Variants in PCDHA13 observed in about 807,000 individuals in gnomAD.
The protein encoded by PCDHA13 is protocadherin alpha-13.
PCDHA13 carries 54 observed loss-of-function variants against 64.8 expected under a neutral mutation model. The observed-to-expected ratio is 0.83, with a 90% CI of 0.67 to 1.04. The LOEUF (loss-of-function observed/expected upper bound fraction) is 1.04, where lower values mean the gene tolerates loss of function less well. Ranked by LOEUF, PCDHA13 falls within the 50% of genes least tolerant of loss-of-function variation. PCDHA13 has a pLI of 0.00. For synonymous variants in PCDHA13, 587 were observed against 564.4 expected (o/e 1.04, Z -0.57); for missense variants, 1,248 against 1,254.3 (o/e 0.99, Z 0.08).
rs782316296 is a variant in PCDHA13 at position 140,927,382 on chromosome 5, AG to A, written c.2394+42721del. Reference sequence around the variant, plus strand: ...CAATGGGATACTAAGCTACAGCCTAAGCCCCAGTCAGCACTTTCGCCTGGAC... The same window carrying A: ...CAATGGGATACTAAGCTACAGCCTAACCCCAGTCAGCACTTTCGCCTGGAC... On this transcript the variant is annotated intron_variant, in intron 1 of 3. Coordinates refer to ENST00000289272, the MANE Select transcript of PCDHA13 (RefSeq NM_018904.3). 6 of 1,614,012 alleles carry A rather than the reference AG, an allele frequency of 3.7e-6. No homozygotes were observed. The African/African-American group carries it at 8.0e-5, about 22-fold the overall frequency.
At chr5:140,926,549 C>A in intron 1 of PCDHA13, 1 of 231,836 alleles carries the variant, frequency 4.3e-6, no homozygotes, top group Non-Finnish European at 8.2e-6. Flanking sequence ...GTGGTCGAGA[C>A]CCCAGCCCGC....
intron 1 of PCDHA13, among the ~76,000 whole-genome samples, chr5:140,904,728 T>G (rs1357605257): frequency 6.6e-6 from 1 of 152,198 alleles, no homozygotes; most frequent in Non-Finnish European, 1.5e-5. Flanking sequence ...CCAACATCTA[T>G]TATTTTTTTA....
intron 1 of PCDHA13, among the ~76,000 whole-genome samples, chr5:140,919,697 A>G (rs1395748776): frequency 1.3e-5 from 2 of 152,188 alleles, no homozygotes; most frequent in Non-Finnish European, 2.9e-5. Flanking sequence ...GATTTATATT[A>G]ACTTAATTCT....
chr5:140,944,182 G>GTTTGT (rs750577669), intron 1 of PCDHA13, among the ~76,000 whole-genome samples: 5 of 152,052 alleles, frequency 3.3e-5, no homozygotes, highest in East Asian at 1.9e-4. Flanking sequence ...TTTTTTGTTG[G>GTTTGT]TTTGTTTTGT....
intron 1 of PCDHA13, among the ~76,000 whole-genome samples, chr5:140,925,094 G>A (rs1489905457): frequency 6.6e-6 from 1 of 151,188 alleles, no homozygotes; most frequent in Non-Finnish European, 1.5e-5. Flanking sequence ...AGGAAGGAAG[G>A]AAGGAAGGAA....
intron 1 of PCDHA13, chr5:140,967,870 G>C (rs782622860): frequency 1.2e-6 from 2 of 1,614,152 alleles, no homozygotes; most frequent in Admixed American, 3.3e-5. Context: ...TGGTGCTCAC[G>C]GACCTGTATA....
At chr5:140,922,144 A>C (rs906517842) in intron 1 of PCDHA13, among the ~76,000 whole-genome samples, 5 of 151,922 alleles carry the variant, frequency 3.3e-5, no homozygotes, top group African/African-American at 1.2e-4. Flanking sequence ...TCCTCCATGA[A>C]ACTCATCAAA....
At chr5:140,947,530 CAATTTCTACAAAG>C (rs2094141786) in intron 1 of PCDHA13, among the ~76,000 whole-genome samples, 1 of 151,588 alleles carries the variant, frequency 6.6e-6, no homozygotes, top group African/African-American at 2.4e-5. Flanking sequence ...ATCAACTTTT[CAATTTCTACAAAG>C]AATTCCGCTG....
chr5:141,004,094 G>A (rs962663466), intron 3 of PCDHA13, among the ~76,000 whole-genome samples: 1 of 152,194 alleles, frequency 6.6e-6, no homozygotes, highest in Non-Finnish European at 1.5e-5. Context: ...TGCTTCTTCC[G>A]TTTTCATCTT....
intron 3 of PCDHA13, among the ~76,000 whole-genome samples, chr5:141,005,772 G>A (rs1554260355): frequency 6.9e-6 from 1 of 144,526 alleles, no homozygotes; most frequent in South Asian, 2.2e-4. Flanking sequence ...CAAACCAGAT[G>A]TGTAAAGATC....
chr5:140,932,824 G>A (rs1484280278), intron 1 of PCDHA13, among the ~76,000 whole-genome samples: 4 of 151,902 alleles, frequency 2.6e-5, no homozygotes, highest in Admixed American at 6.6e-5. Context: ...AAGTGGGAAA[G>A]TATTGACAAT....
intron 1 of PCDHA13, among the ~76,000 whole-genome samples, chr5:140,973,299 T>C (rs1191449890): frequency 1.3e-5 from 2 of 152,198 alleles, no homozygotes; most frequent in African/African-American, 4.8e-5. Flanking sequence ...TTCTATCTGA[T>C]GACTCTATCC....
chr5:140,982,678 C>T (rs781968397), intron 3 of PCDHA13, 115 bp downstream of exon 3: 29 of 1,438,778 alleles, frequency 2.0e-5, no homozygotes, highest in Non-Finnish European at 2.6e-5. Context: ...TTTGTTATTC[C>T]CTTTTTTCCA....
chr5:141,005,701 CAAAAAAAAAAAA>C (rs59860837), intron 3 of PCDHA13, among the ~76,000 whole-genome samples: 139 of 7,794 alleles, frequency 0.018, no homozygotes, highest in African/African-American at 0.055. Context: ...AACTCCGTCT[CAAAAAAAAAAAA>C]AAAAAAAAAA....
At chr5:140,975,543 T>C (rs1276340507) in intron 1 of PCDHA13, among the ~76,000 whole-genome samples, 2 of 152,206 alleles carry the variant, frequency 1.3e-5, no homozygotes, top group African/African-American at 4.8e-5. Context: ...AATACAGTCC[T>C]ATTAGGAAGG....
intron 1 of PCDHA13, among the ~76,000 whole-genome samples, chr5:140,916,255 C>G (rs1161014900): frequency 6.6e-6 from 1 of 152,144 alleles, no homozygotes. Context: ...ACTTGGGGAC[C>G]CCAAGAGCAT....
Position 140,883,223 on chromosome 5 carries a change from T to C in PCDHA13, c.955T>C (p.Ser319Pro). Residue 319 changes from serine to proline, a missense_variant, in exon 1 of 4, where the codon TCC (serine) becomes CCC (proline). Ser to Pro is a moderately conservative substitution (Grantham distance 74). Coordinates refer to ENST00000289272, the MANE Select transcript of PCDHA13 (RefSeq NM_018904.3). The stretch of plus-strand genomic sequence containing the variant: ...CGAAGAAAAGAAATTATATGAAATA[T>C]CCGTGGAGGCAGTTGACAAAGGAAA... ...DFEEKKLYEI[S>P]VEAVDKGNIP... is the part of the protein sequence containing the mutation. The C allele has an allele frequency of 6.2e-7, 1 of 1,613,922 alleles. No individual in the cohort carries two copies. Among genetic ancestry groups the C allele is most frequent in the Non-Finnish European group, 8.5e-7 (1 of 1,179,978 alleles).
intron 1 of PCDHA13, among the ~76,000 whole-genome samples, chr5:140,916,967 G>A (rs1215722713): frequency 2.6e-5 from 4 of 152,194 alleles, no homozygotes; most frequent in African/African-American, 9.7e-5. Context: ...TGACTGCTGG[G>A]ATGAGTGATT....
At chr5:140,928,681 TC>T (rs782384924) in intron 1 of PCDHA13, 4 of 1,614,062 alleles carry the variant, frequency 2.5e-6, no homozygotes. Flanking sequence ...TGCCTGGCTT[TC>T]CTACCACATC....
Sources: allele counts gnomAD v4.1 joint callset (sites outside exome capture counted in the v4.1 genomes callset), GRCh38; gene constraint gnomAD v4.1.1; transcripts MANE v1.5; gene names NCBI Gene and HGNC (gene_info 2026-07-23, HGNC 2026-07-21).